The following F11 variants were observed in gnomAD, a reference collection of about 807,000 sequenced individuals.
The protein encoded by F11 is coagualtion factor XI.
F11 carries 78 observed loss-of-function variants against 76.5 expected under a neutral mutation model. That is an observed-to-expected ratio of 1.02 (90% confidence interval 0.85 to 1.23). F11 has a LOEUF of 1.23. F11 is among the 50% of genes most tolerant of loss of function. The probability of loss-of-function intolerance (pLI) is 0.00; values close to 1 mark genes in which losing one functional copy is unlikely to be tolerated. For missense variants in F11, 742 were observed against 771.4 expected, an observed-to-expected ratio of 0.96 and a Z score of 0.45; for synonymous variants, 278 against 276.3, an observed-to-expected ratio of 1.01 and a Z score of -0.06.
In F11 at chr4:186,276,400, T is replaced by G. The variant is rs1180418037; in HGVS notation, c.755+10T>G. The G allele has an allele frequency of 2.5e-6, 4 of 1,613,768 alleles. No individual in the cohort carries two copies. In the East Asian group the frequency reaches 6.7e-5, roughly 27 times the overall value. ...CCAAAGAATCTCAAAGGTAAGGAGT[T>G]AACAAGTAAGGATAATTTGTTATCT... On this transcript the variant is annotated intron_variant, in intron 7 of 14. Transcript: ENST00000403665.
At chr4:186,288,145 C>T (rs1276689588) in intron 14 of F11, among the ~76,000 whole-genome samples, 1 of 151,968 alleles carries the variant, frequency 6.6e-6, no homozygotes, top group Non-Finnish European at 1.5e-5. Flanking sequence ...ATCTCCTGAC[C>T]TCATGATCTG....
At chr4:186,287,655 T>C (rs1741307322) in intron 13 of F11, 29 bp from the exon 14 acceptor site, 3 of 1,575,304 alleles carry the variant, frequency 1.9e-6, no homozygotes, top group East Asian at 4.7e-5. Flanking sequence ...ATGGTTATTC[T>C]ACAAACGAAC....
chr4:186,273,128 A>G lies in F11; in HGVS notation c.276A>G (p.Thr92=). 1 of 1,614,126 alleles carries G rather than the reference A, an allele frequency of 6.2e-7. No homozygotes were observed. The highest frequency in any genetic ancestry group is 8.5e-7 in the Non-Finnish European group (1 of 1,179,968). Residue 92 remains threonine (T), a synonymous_variant, in exon 4 of 15, where the codon ACA becomes ACG. Transcript: ENST00000403665. ...VTETLPRVNR[T]AAISGYSFKQ... is the part of the protein sequence containing the mutation. Reference sequence around the variant, plus strand: ...AAACACTGCCAAGAGTGAATAGGACAGCAGCGATTTCTGGGTATTCTTTCA... The same window carrying G: ...AAACACTGCCAAGAGTGAATAGGACGGCAGCGATTTCTGGGTATTCTTTCA...
chr4:186,271,757 G>T lies in F11; in HGVS notation c.204G>T (p.Glu68Asp). The T allele has an allele frequency of 6.2e-7, 1 of 1,614,116 alleles. No homozygotes were observed. Among genetic ancestry groups the T allele is most frequent in the South Asian group, 1.1e-5 (1 of 91,088 alleles). Residue 68 changes from glutamate to aspartate, a missense_variant, in exon 3 of 15, where the codon GAG (glutamate) becomes GAT (aspartate). Coordinates refer to ENST00000403665, the MANE Select transcript of F11 (RefSeq NM_000128.4). ...LFTFTAESPS[E>D]DPTRWFTCVL... ...CTTTCACGGCGGAATCACCATCTGA[G>T]GATCCCACCCGATGGTAAATGCTTA...
rs1448776439 is a variant in F11, at chr4:186,280,571, A to G, written c.1126A>G (p.Met376Val). 1 of 1,610,142 alleles carries G rather than the reference A, an allele frequency of 6.2e-7. No homozygotes were observed. Among genetic ancestry groups the G allele is most frequent in the Middle Eastern group, 1.7e-4 (1 of 6,056 alleles). Residue 376 changes from methionine to valine, a missense_variant, in exon 10 of 15, where the codon ATG becomes GTG. Transcript: ENST00000403665. ...ISGYTLRLCKMDNECTTKIKP... is the reference protein window; with the variant it reads ...ISGYTLRLCKVDNECTTKIKP... ...TGGATACACATTAAGGTTGTGTAAA[A>G]TGGATAATGGTGAGTATAATGTCAC...
chr4:186,286,149 G>A (rs1423116854), intron 12 of F11: 1 of 522,944 alleles, frequency 1.9e-6, no homozygotes, highest in Non-Finnish European at 3.4e-6. Flanking sequence ...TTGAAGGTTA[G>A]AACAATTAAG....
At chr4:186,281,241 G>A (rs1740779042) in intron 10 of F11, among the ~76,000 whole-genome samples, 1 of 152,126 alleles carries the variant, frequency 6.6e-6, no homozygotes, top group East Asian at 1.9e-4. Flanking sequence ...TCCTTTGTAA[G>A]GGAATTATCG....
At position 186,288,987 on chromosome 4, in the gene F11, C is replaced by A; in HGVS notation, c.*373C>A. On this transcript the variant is annotated 3_prime_UTR_variant, in exon 15 of 15. Coordinates refer to ENST00000403665, the MANE Select transcript of F11 (RefSeq NM_000128.4). ...AGAAGCCACCATAAATAGATTTGTT[C>A]GATGAAAGATGAAAACTGGAAGAAA... 3.7e-6 allele frequency: 1 copy of A among 271,992 alleles called. No homozygotes were observed. 16.8% of individuals were successfully genotyped at this position (271,992 alleles called of 1,614,324 possible). A position where few individuals can be genotyped will look rare whatever the true frequency, so the allele number is the denominator to read the frequency against.
At chr4:186,274,745 A>C (rs1450217987) in intron 5 of F11, 1 of 192,704 alleles carries the variant, frequency 5.2e-6, no homozygotes, top group African/African-American at 2.4e-5. Context: ...AATCTATCAC[A>C]TAAGGATTTA....
At chr4:186,273,481 C>A (rs965421835) in intron 4 of F11, among the ~76,000 whole-genome samples, 6 of 151,762 alleles carry the variant, frequency 4.0e-5, no homozygotes, top group Non-Finnish European at 7.4e-5. Flanking sequence ...GAGACAGGGT[C>A]TCACTCTGTT....
intron 13 of F11, 46 bp from the exon 14 acceptor site, chr4:186,287,638 A>G: frequency 7.3e-7 from 1 of 1,363,280 alleles, no homozygotes; most frequent in Non-Finnish European, 1.0e-6. Flanking sequence ...GTTTATGTGT[A>G]TTGTGTATGG....
At chr4:186,269,294 T>C (rs1237866578) in intron 2 of F11, among the ~76,000 whole-genome samples, 1 of 152,220 alleles carries the variant, frequency 6.6e-6, no homozygotes, top group Non-Finnish European at 1.5e-5. Flanking sequence ...CAGATATACT[T>C]GTACACCCAT....
Position 186,288,451 on chromosome 4 carries a change from AG to A in F11, c.1718del. On this transcript the variant is annotated splice_acceptor_variant, in intron 14 of 14. Transcript: ENST00000403665. LOFTEE classifies it high-confidence loss of function. ...ACCTTTTCTTGTCTCCCCTCGTTCT[AG>A]GGAGATTCGGGAGGCCCTCTGTCCT... 3 of 1,614,064 alleles carry A rather than the reference AG, an allele frequency of 1.9e-6. No individual in the cohort carries two copies. Among genetic ancestry groups the A allele is most frequent in the Non-Finnish European group, 2.5e-6 (3 of 1,179,944 alleles).
At chr4:186,283,792 T>G (rs547985337) in intron 10 of F11, among the ~76,000 whole-genome samples, 39 of 152,300 alleles carry the variant, frequency 2.6e-4, no homozygotes, top group Admixed American at 5.9e-4. Context: ...GAGACTGCAC[T>G]TGACAACCAC....
At chr4:186,285,494 C>T (rs1741127228) in intron 11 of F11, 144 bp from the exon 12 acceptor site, 7 of 824,836 alleles carry the variant, frequency 8.5e-6, no homozygotes, top group Non-Finnish European at 1.2e-5. Flanking sequence ...CCCGAAAAAT[C>T]TTAGGATAAA....
chr4:186,269,828 C>G (rs1216182084), intron 2 of F11, among the ~76,000 whole-genome samples: 1 of 152,110 alleles, frequency 6.6e-6, no homozygotes, highest in African/African-American at 2.4e-5. Context: ...TGCTAAAATT[C>G]TATTAATGAT....
Position 186,287,839 on chromosome 4 carries a change from T to C in F11, c.1716+16T>C, listed in dbSNP as rs1741324616. The stretch of plus-strand genomic sequence containing the variant: ...CGCTTGCAAGGTAACAGAGTGTTCT[T>C]AGCCAATGGAATATATGCAAATTGG... On this transcript the variant is annotated intron_variant, in intron 14 of 14. Coordinates refer to ENST00000403665, the MANE Select transcript of F11 (RefSeq NM_000128.4). 6.2e-7 allele frequency: 1 copy of C among 1,610,168 alleles called. No homozygotes were observed. The highest frequency in any genetic ancestry group is 2.2e-5 in the East Asian group (1 of 44,708).
At position 186,267,158 on chromosome 4, in the gene F11, G is replaced by T; in HGVS notation, c.22G>T (p.Val8Leu). Residue 8 changes from valine (V) to leucine (L), a missense_variant, in exon 2 of 15, where the codon GTA becomes TTA. By Grantham distance (32) the Val-to-Leu change is conservative (BLOSUM62 1). Coordinates refer to ENST00000403665, the MANE Select transcript of F11 (RefSeq NM_000128.4). MIFLYQV[V>L]HFILFTSVSG... is the part of the protein sequence containing the mutation. The stretch of plus-strand genomic sequence containing the variant: ...TAGGATGATTTTCTTATATCAAGTG[G>T]TACATTTCATTTTATTTACTTCAGT... 6.3e-7 allele frequency: 1 copy of T among 1,581,748 alleles called. No individual in the cohort carries two copies. Among genetic ancestry groups the T allele is most frequent in the Non-Finnish European group, 8.7e-7 (1 of 1,150,620 alleles).
intron 7 of F11, 21 bp downstream of exon 7, chr4:186,276,411 G>A (rs1425751530): frequency 6.2e-7 from 1 of 1,611,952 alleles, no homozygotes; most frequent in Non-Finnish European, 8.5e-7. Flanking sequence ...AACAAGTAAG[G>A]ATAATTTGTT....
Sources: allele counts gnomAD v4.1 joint callset (sites outside exome capture counted in the v4.1 genomes callset), GRCh38; gene constraint gnomAD v4.1.1; transcripts MANE v1.5; gene names NCBI Gene and HGNC (gene_info 2026-07-23, HGNC 2026-07-21).